Variants in PDXDC1 observed in about 807,000 individuals in gnomAD.
PDXDC1 encodes pyridoxal-dependent decarboxylase domain-containing protein 1.
In PDXDC1, 42 loss-of-function variants were observed where a neutral mutation model predicts 100.1. The ratio of observed to expected loss-of-function variants is 0.42; its 90% CI spans 0.33 to 0.54. The LOEUF (loss-of-function observed/expected upper bound fraction) is 0.54. Ranked by LOEUF, PDXDC1 falls within the 20% of genes least tolerant of loss-of-function variation. The probability of loss-of-function intolerance (pLI) is 0.10; values close to 1 mark genes in which losing one functional copy is unlikely to be tolerated. For missense variants in PDXDC1, 636 were observed against 979.2 expected (o/e 0.65, Z 4.68); for synonymous variants, 260 against 371.7 (o/e 0.70, Z 3.46).
At chr16:15,021,575 T>C (rs959291828) in intron 12 of PDXDC1, among the ~76,000 whole-genome samples, 2 of 152,266 alleles carry the variant, frequency 1.3e-5, no homozygotes, top group African/African-American at 4.8e-5. Context: ...GGCTATGGAG[T>C]GCGGGAGAAT....
At chr16:15,077,335 G>A (rs182678399) in intron 16 of PDXDC1, among the ~76,000 whole-genome samples, 12 of 152,194 alleles carry the variant, frequency 7.9e-5, no homozygotes, top group African/African-American at 2.6e-4. Context: ...GCTGGGGGGG[G>A]ACTGGTGGGA....
At chr16:15,103,483 T>C in intron 16 of PDXDC1, 2 of 607,958 alleles carry the variant, frequency 3.3e-6, no homozygotes, top group Non-Finnish European at 2.9e-6. Context: ...ACCCCTTGGG[T>C]ATATCTAATG....
the PDXDC1 span, among the ~76,000 whole-genome samples, chr16:15,151,769 T>C: frequency 1.7e-5 from 2 of 120,552 alleles, no homozygotes; most frequent in South Asian, 3.0e-4. Flanking sequence ...CTGTCTCTAC[T>C]AAAAATAGAA....
intron 16 of PDXDC1, among the ~76,000 whole-genome samples, chr16:15,097,984 C>T (rs1044286864): frequency 6.9e-6 from 1 of 144,032 alleles, no homozygotes; most frequent in Non-Finnish European, 1.5e-5. Context: ...CTCTGTTGCC[C>T]AGGCTGGAGT....
chr16:15,027,595 C>T (rs2042709195), intron 14 of PDXDC1, among the ~76,000 whole-genome samples: 1 of 152,290 alleles, frequency 6.6e-6, no homozygotes, highest in Non-Finnish European at 1.5e-5. Context: ...GATGGGGGAG[C>T]CAGAAGGGAG....
At chr16:15,093,977 T>G (rs2046245305) in intron 16 of PDXDC1, 1 of 669,062 alleles carries the variant, frequency 1.5e-6, no homozygotes, top group Non-Finnish European at 2.7e-6. Flanking sequence ...CCATGTCTAT[T>G]ACCCAGTTAG....
chr16:15,125,014 G>A (rs1386872612), intron 16 of PDXDC1, among the ~76,000 whole-genome samples: 1 of 150,910 alleles, frequency 6.6e-6, no homozygotes, highest in Admixed American at 6.6e-5. Context: ...AGGCATGGTG[G>A]CACACGCCTG....
At chr16:14,993,951 G>A (rs1394738967) in intron 1 of PDXDC1, among the ~76,000 whole-genome samples, 2 of 152,192 alleles carry the variant, frequency 1.3e-5, no homozygotes, top group African/African-American at 4.8e-5. Flanking sequence ...CTTTTGAGAA[G>A]TGTCTGTTCA....
At chr16:15,002,889 A>T in intron 4 of PDXDC1, among the ~76,000 whole-genome samples, 1 of 152,188 alleles carries the variant, frequency 6.6e-6, no homozygotes, top group Non-Finnish European at 1.5e-5. Flanking sequence ...TTTCAGCATA[A>T]TTCGAATTTG....
chr16:15,128,514 C>G, intron 16 of PDXDC1: 1 of 665,274 alleles, frequency 1.5e-6, no homozygotes, highest in Admixed American at 2.1e-5. Flanking sequence ...CCCGGCTTTG[C>G]ACGGCTCTGC....
At position 15,033,361 on chromosome 16, in the gene PDXDC1, A is replaced by G; in HGVS notation, c.1774A>G (p.Ile592Val). 1.2e-6 allele frequency: 2 copies of G among 1,614,154 alleles called. No individual in the cohort carries two copies. The highest frequency in any genetic ancestry group is 1.7e-6 in the Non-Finnish European group (2 of 1,180,010). Residue 592 changes from isoleucine (I) to valine (V), a missense_variant, in exon 19 of 23, where the codon ATT becomes GTT. Ile to Val is a conservative substitution (Grantham distance 29). Coordinates refer to ENST00000396410, the MANE Select transcript of PDXDC1 (RefSeq NM_015027.4). ...NVDAAELVETIAATAREIEEN... is the reference protein window; with the variant it reads ...NVDAAELVETVAATAREIEEN... The stretch of plus-strand genomic sequence containing the variant: ...CGATGCTGCTGAGCTCGTGGAGACC[A>G]TTGCGGCCACAGCCCGGGAGATAGA...
chr16:14,988,208 G>A, intron 1 of PDXDC1: 1 of 1,612,388 alleles, frequency 6.2e-7, no homozygotes, highest in South Asian at 1.1e-5. Flanking sequence ...GGGACTTTCA[G>A]TGCTGGGTGT....
intron 16 of PDXDC1, among the ~76,000 whole-genome samples, chr16:15,069,819 T>C (rs4012841): frequency 1.3e-5 from 2 of 152,204 alleles, no homozygotes; most frequent in African/African-American, 2.4e-5. Context: ...CATTTCAAAC[T>C]TTCAAAGGCA....
At chr16:15,129,322 C>T (rs901223960) in intron 16 of PDXDC1, among the ~76,000 whole-genome samples, 4 of 151,470 alleles carry the variant, frequency 2.6e-5, no homozygotes, top group African/African-American at 9.7e-5. Context: ...CCTGTACTCC[C>T]AGCTACTCAG....
chr16:15,078,939 G>A (rs1375354944), intron 16 of PDXDC1, among the ~76,000 whole-genome samples: 7 of 151,382 alleles, frequency 4.6e-5, no homozygotes, highest in Non-Finnish European at 1.0e-4. Flanking sequence ...AGCCTCCCGA[G>A]TAGCTGGGAC....
intron 16 of PDXDC1, among the ~76,000 whole-genome samples, chr16:15,094,992 C>T (rs568125215): frequency 6.6e-6 from 1 of 152,220 alleles, no homozygotes; most frequent in South Asian, 2.1e-4. Flanking sequence ...CGCATGCCAC[C>T]ACACCCGGCT....
At chr16:15,131,710 G>GCAGACAGA (rs2048070157) in intron 16 of PDXDC1, 1 of 1,447,918 alleles carries the variant, frequency 6.9e-7, no homozygotes, top group East Asian at 2.9e-5. Context: ...GAGGTCTCCT[G>GCAGACAGA]CAGACAGACG....
the PDXDC1 span, among the ~76,000 whole-genome samples, chr16:15,145,538 C>T: frequency 4.6e-5 from 7 of 152,256 alleles, no homozygotes; most frequent in African/African-American, 1.2e-4. Context: ...CAGATCATGG[C>T]GCTGCTAAGG....
Position 14,998,430 on chromosome 16 carries a change from C to G in PDXDC1, c.161+25C>G, listed in dbSNP as rs747203845. 8.1e-6 allele frequency: 13 copies of G among 1,603,528 alleles called. No individual in the cohort carries two copies. In the South Asian group the frequency reaches 1.3e-4, roughly 17 times the overall value. On this transcript the variant is annotated intron_variant, in intron 3 of 22. Coordinates refer to ENST00000396410, the MANE Select transcript of PDXDC1 (RefSeq NM_015027.4). ...GGTAGGTGGCACTGAGGATCCATAC[C>G]TTTAGTTAAGGTGTAAATTTTTGTT...
Sources: allele counts gnomAD v4.1 joint callset (sites outside exome capture counted in the v4.1 genomes callset), GRCh38; gene constraint gnomAD v4.1.1; transcripts MANE v1.5; gene names NCBI Gene and HGNC (gene_info 2026-07-23, HGNC 2026-07-21).